PRKCB: variants seen among roughly 807,000 people sequenced by gnomAD.
PRKCB encodes protein kinase C beta type.
PRKCB carries 13 observed loss-of-function variants against 81.5 expected under a neutral mutation model. That is an observed-to-expected ratio of 0.16 (90% CI 0.10 to 0.25). PRKCB has a LOEUF of 0.25. Ranked by LOEUF, PRKCB falls within the 10% of genes least tolerant of loss-of-function variation. The pLI is 1.00. For synonymous variants in PRKCB, 335 were observed against 321.4 expected (o/e 1.04, Z -0.45); for missense variants, 509 against 875.7 (o/e 0.58, Z 5.29).
At chr16:24,041,462 CCATGTCCATCCT>C (rs1363838958) in intron 5 of PRKCB, among the ~76,000 whole-genome samples, 5 of 152,126 alleles carry the variant, frequency 3.3e-5, no homozygotes, top group African/African-American at 1.2e-4. Flanking sequence ...AAATGCTTAG[CCATGTCCATCCT>C]CATATCTATC....
At chr16:24,037,838 T>C (rs1215202559) in intron 5 of PRKCB, among the ~76,000 whole-genome samples, 1 of 145,000 alleles carries the variant, frequency 6.9e-6, no homozygotes, top group Non-Finnish European at 1.5e-5. Context: ...TACCACAAAC[T>C]GGGTGGCTTA....
intron 2 of PRKCB, among the ~76,000 whole-genome samples, chr16:23,865,948 T>C (rs1962782875): frequency 6.6e-6 from 1 of 152,168 alleles, no homozygotes; most frequent in African/African-American, 2.4e-5. Context: ...AACCCCTTCC[T>C]GGTCAAATTG....
intron 2 of PRKCB, among the ~76,000 whole-genome samples, chr16:23,916,629 G>A (rs184085465): frequency 6.6e-6 from 1 of 152,244 alleles, no homozygotes; most frequent in East Asian, 1.9e-4. Flanking sequence ...AGTTCATAAT[G>A]TACATGCACA....
intron 3 of PRKCB, among the ~76,000 whole-genome samples, chr16:24,000,684 G>T (rs972940468): frequency 6.6e-6 from 1 of 152,172 alleles, no homozygotes; most frequent in Non-Finnish European, 1.5e-5. Context: ...TGTAGCTAAG[G>T]CCATTTCCAT....
chr16:23,890,453 T>G (rs1389630513), intron 2 of PRKCB, among the ~76,000 whole-genome samples: 1 of 152,212 alleles, frequency 6.6e-6, no homozygotes, highest in Non-Finnish European at 1.5e-5. Flanking sequence ...CTGTTACTTC[T>G]ATGAAACAAG....
intron 10 of PRKCB, among the ~76,000 whole-genome samples, chr16:24,166,742 G>T (rs11865773): frequency 5.9e-5 from 9 of 152,160 alleles, no homozygotes; most frequent in African/African-American, 2.2e-4. Flanking sequence ...CATAGAGTGG[G>T]CATCATTAAG....
intron 2 of PRKCB, among the ~76,000 whole-genome samples, chr16:23,958,691 TCTTCTC>T (rs1274604230): frequency 9.6e-5 from 7 of 73,088 alleles, no homozygotes; most frequent in East Asian, 1.5e-3. Flanking sequence ...TATTTCTTCT[TCTTCTC>T]CTCCTCCTCT....
chr16:24,057,159 G>A (rs1281518224), intron 5 of PRKCB, among the ~76,000 whole-genome samples: 1 of 152,184 alleles, frequency 6.6e-6, no homozygotes, highest in East Asian at 1.9e-4. Flanking sequence ...ATCTTGGATT[G>A]TTCAGACTCT....
intron 7 of PRKCB, among the ~76,000 whole-genome samples, chr16:24,101,239 C>T (rs1966502859): frequency 6.6e-6 from 1 of 152,142 alleles, no homozygotes; most frequent in African/African-American, 2.4e-5. Context: ...GAGCTGTTAT[C>T]GTCTTTGTTT....
intron 3 of PRKCB, among the ~76,000 whole-genome samples, chr16:24,017,436 C>T (rs913044469): frequency 5.3e-5 from 8 of 151,946 alleles, no homozygotes; most frequent in Admixed American, 2.6e-4. Context: ...TTTCTAAATA[C>T]GACAGCAGAG....
intron 3 of PRKCB, among the ~76,000 whole-genome samples, chr16:24,014,552 A>G (rs1965251514): frequency 6.6e-6 from 1 of 152,176 alleles, no homozygotes; most frequent in African/African-American, 2.4e-5. Flanking sequence ...AAGATCACAG[A>G]TGTCATTTTT....
intron 10 of PRKCB, among the ~76,000 whole-genome samples, chr16:24,161,602 A>G (rs1201362423): frequency 6.6e-6 from 1 of 152,206 alleles, no homozygotes; most frequent in African/African-American, 2.4e-5. Context: ...AGATTTGCTC[A>G]TTAGATGGTT....
chr16:24,040,596 C>T (rs1397551752), intron 5 of PRKCB, among the ~76,000 whole-genome samples: 1 of 152,172 alleles, frequency 6.6e-6, no homozygotes, highest in African/African-American at 2.4e-5. Context: ...CTACTCCCAG[C>T]ACCTAGCAAG....
At chr16:24,028,443 C>G (rs1188023571) in intron 3 of PRKCB, among the ~76,000 whole-genome samples, 1 of 152,150 alleles carries the variant, frequency 6.6e-6, no homozygotes, top group Non-Finnish European at 1.5e-5. Flanking sequence ...ATATATAGAC[C>G]ACTCCAATAT....
At chr16:24,199,397 C>CTG (rs147639805) in intron 16 of PRKCB, among the ~76,000 whole-genome samples, 1 of 152,012 alleles carries the variant, frequency 6.6e-6, no homozygotes, top group African/African-American at 2.4e-5. Context: ...GTAAGTGCCT[C>CTG]TGTGTGTGTG....
intron 9 of PRKCB, among the ~76,000 whole-genome samples, chr16:24,147,232 C>T (rs972854183): frequency 3.4e-5 from 5 of 147,820 alleles, no homozygotes; most frequent in Admixed American, 6.9e-5. Context: ...GGAGTGAACT[C>T]GGGAGGCGGA....
intron 9 of PRKCB, among the ~76,000 whole-genome samples, chr16:24,143,518 G>A (rs927455779): frequency 6.6e-6 from 1 of 152,144 alleles, no homozygotes. Context: ...CCACAAGCCT[G>A]CTCCCTAGCA....
chr16:24,126,577 G>T (rs545159491), intron 9 of PRKCB, among the ~76,000 whole-genome samples: 359 of 152,026 alleles, frequency 2.4e-3, no homozygotes, highest in Middle Eastern at 6.8e-3. Flanking sequence ...TTTTGTTTTT[G>T]TTTTTTTGAA....
intron 5 of PRKCB, among the ~76,000 whole-genome samples, chr16:24,092,425 C>CA (rs1190097978): frequency 2.0e-5 from 3 of 152,076 alleles, no homozygotes; most frequent in Non-Finnish European, 4.4e-5. Flanking sequence ...TTCAGTCATG[C>CA]AAAAAAATGA....
Sources: allele counts gnomAD v4.1 joint callset (sites outside exome capture counted in the v4.1 genomes callset), GRCh38; gene constraint gnomAD v4.1.1; transcripts MANE v1.5; gene names NCBI Gene and HGNC (gene_info 2026-07-23, HGNC 2026-07-21).